Variants in SLC25A46 observed in about 807,000 individuals in gnomAD.
SLC25A46 encodes solute carrier family 25 member 46.
Under a neutral mutation model 44.6 loss-of-function variants are expected in SLC25A46, and 39 were observed. The observed-to-expected ratio is 0.87, with a 90% CI of 0.68 to 1.14. The LOEUF (loss-of-function observed/expected upper bound fraction) is 1.14. SLC25A46 is among the 50% of genes most tolerant of loss of function. The pLI is 0.00. For missense variants in SLC25A46, 547 were observed against 522.7 expected (o/e 1.05, Z -0.45); for synonymous variants, 202 against 185.8 (o/e 1.09, Z -0.71).
At position 110,748,373 on chromosome 5, in the gene SLC25A46, T is replaced by C. The variant is rs920454264; in HGVS notation, c.563+110T>C. ...ATGGGTATATTGTGTGATGCTAAAGTTTGGACTTCTAATGATCCTCTCATC... is the reference window on the plus strand; with the variant it reads ...ATGGGTATATTGTGTGATGCTAAAGCTTGGACTTCTAATGATCCTCTCATC... On this transcript the variant is annotated intron_variant, in intron 5 of 7. Transcript: ENST00000355943. The C allele has an allele frequency of 6.3e-6, 5 of 788,572 alleles. No individual in the cohort carries two copies. The African/African-American group carries it at 6.9e-5, about 11-fold the overall frequency. 48.8% of individuals were successfully genotyped at this position (788,572 alleles called of 1,614,324 possible).
rs1191516222 is a variant in SLC25A46, at chr5:110,761,896, T to A, written c.*114T>A. The A allele has an allele frequency of 2.3e-6, 2 of 888,600 alleles. No individual in the cohort carries two copies. The highest frequency in any genetic ancestry group is 3.4e-5 in the African/African-American group (2 of 58,850). The allele number at this position is 888,600 out of a possible 1,614,324, so 55.0% of individuals were successfully genotyped here. On this transcript the variant is annotated 3_prime_UTR_variant, in exon 8 of 8. Coordinates refer to ENST00000355943, the MANE Select transcript of SLC25A46 (RefSeq NM_138773.4). This position sits in a 1 kb window ranked among gnomAD's most constrained non-coding sequence, Gnocchi z 5.3. ...AAGAAAATGGATTGGAAAGTAAAAT[T>A]GGTACTAAAGCCCATACTGATTATC...
rs770980182 is a variant in SLC25A46, at chr5:110,742,030, A to T, written c.284-17A>T. ...TCAGTAATCTTATTTTTTTATTTCT[A>T]TTTTTTTTTACTTTAGAACAGCTGA... On this transcript the variant is annotated splice_polypyrimidine_tract_variant and intron_variant, in intron 1 of 7. Coordinates refer to ENST00000355943, the MANE Select transcript of SLC25A46 (RefSeq NM_138773.4). The T allele has an allele frequency of 1.3e-6, 2 of 1,486,568 alleles. No individual in the cohort carries two copies. Among genetic ancestry groups the T allele is most frequent in the South Asian group, 1.3e-5 (1 of 79,010 alleles). The allele number at this position is 1,486,568 out of a possible 1,614,324, so 92.1% of individuals were successfully genotyped here.
intron 1 of SLC25A46, chr5:110,741,720 T>C (rs1215556336): frequency 1.1e-5 from 2 of 184,128 alleles, no homozygotes; most frequent in Non-Finnish European, 1.1e-5. Flanking sequence ...AATTGGAAGC[T>C]TTTATATAAA....
At chr5:110,740,366 T>G (rs1316300111) in intron 1 of SLC25A46, among the ~76,000 whole-genome samples, 1 of 152,068 alleles carries the variant, frequency 6.6e-6, no homozygotes, top group Non-Finnish European at 1.5e-5. Flanking sequence ...GAATGTCTAG[T>G]GAGTAAATGA....
chr5:110,762,529 T>C lies in SLC25A46; in HGVS notation c.*747T>C, dbSNP rs1376847249. 3.3e-5 allele frequency: 5 copies of C among 151,768 alleles called. No homozygotes were observed. Among genetic ancestry groups the C allele is most frequent in the Admixed American group, 3.3e-4 (5 of 15,182 alleles). The allele number at this position is 151,768 out of a possible 1,614,324, so 9.4% of individuals were successfully genotyped here. A position where few individuals can be genotyped will look rare whatever the true frequency, so the allele number is the denominator to read the frequency against. ...CAAAAGATACAAGTCAGAGACAACA[T>C]CCTTGTCCATATCCAAACCCAGTGT... On this transcript the variant is annotated 3_prime_UTR_variant, in exon 8 of 8. Coordinates refer to ENST00000355943, the MANE Select transcript of SLC25A46 (RefSeq NM_138773.4).
At position 110,739,288 on chromosome 5, in the gene SLC25A46, TG is replaced by T; in HGVS notation, c.173del (p.Gly58AlafsTer40). The T allele has an allele frequency of 1.9e-6, 3 of 1,574,890 alleles. No individual in the cohort carries two copies. The highest frequency in any genetic ancestry group is 2.6e-6 in the Non-Finnish European group (3 of 1,160,436). On this transcript the variant is annotated frameshift_variant, in exon 1 of 8. Transcript: ENST00000355943. LOFTEE classifies it high-confidence loss of function. ...TATCCCCGGCAGCCGCAACCTGCACTGGGGCGAGAAGAGCCCGCCCTACGGC... is the reference window on the plus strand; with the variant it reads ...TATCCCCGGCAGCCGCAACCTGCACTGGGCGAGAAGAGCCCGCCCTACGGC... The part of the protein sequence containing the change: ...PDIPGSRNLH[W>X]GEKSPPYGVP...
intron 5 of SLC25A46, among the ~76,000 whole-genome samples, chr5:110,752,256 A>G (rs146808584): frequency 3.0e-4 from 45 of 152,290 alleles, no homozygotes; most frequent in Middle Eastern, 6.8e-3. Context: ...CAGTAGTATT[A>G]CTTTTTAACA....
intron 5 of SLC25A46, 190 bp from the exon 6 acceptor site, chr5:110,755,275 A>T (rs1177756459): frequency 2.4e-6 from 1 of 424,004 alleles, no homozygotes; most frequent in Non-Finnish European, 4.2e-6. Flanking sequence ...AACACCTTGT[A>T]TTTTTTTCTC....
At chr5:110,751,496 C>G (rs746401485) in intron 5 of SLC25A46, among the ~76,000 whole-genome samples, 49 of 152,020 alleles carry the variant, frequency 3.2e-4, no homozygotes, top group Non-Finnish European at 6.0e-4. Flanking sequence ...GAGCTCTGGC[C>G]AAGGGTAAGG....
intron 1 of SLC25A46, 124 bp from the exon 2 acceptor site, chr5:110,741,923 A>C: frequency 1.5e-6 from 1 of 653,758 alleles, no homozygotes; most frequent in South Asian, 2.0e-5. Context: ...TTTGACTTTG[A>C]GGTTTAAATG....
chr5:110,753,422 T>C (rs759795981), intron 5 of SLC25A46: 8 of 151,884 alleles, frequency 5.3e-5, no homozygotes, highest in Non-Finnish European at 1.0e-4. Flanking sequence ...TAGGAGTATG[T>C]GTTTTGATTT....
intron 4 of SLC25A46, 36 bp from the exon 5 acceptor site, chr5:110,748,127 T>G: frequency 7.1e-7 from 1 of 1,409,058 alleles, no homozygotes; most frequent in East Asian, 2.3e-5. Context: ...CAGATGTAGG[T>G]ATTAACAGAA....
intron 7 of SLC25A46, among the ~76,000 whole-genome samples, chr5:110,759,358 T>A (rs76153996): frequency 0.032 from 4,928 of 152,198 alleles, 263 homozygotes; most frequent in African/African-American, 0.11. Context: ...ATATTCTAAG[T>A]AGAGGGAAGG....
chr5:110,740,742 G>A lies in SLC25A46; in HGVS notation c.284-1305G>A, dbSNP rs568227177. 1.6e-4 allele frequency among the ~76,000 whole-genome samples: 25 copies of A among 152,202 alleles called. No homozygotes were observed. In the South Asian group the frequency reaches 5.0e-3, roughly 30 times the overall value. On this transcript the variant is annotated intron_variant, in intron 1 of 7. Coordinates refer to ENST00000355943, the MANE Select transcript of SLC25A46 (RefSeq NM_138773.4). Reference sequence around the variant, plus strand: ...CAAGGCGGGCGGATCACGAGGTCAGGAGATCGAGACCATCCTGGCTAACAC... The same window carrying A: ...CAAGGCGGGCGGATCACGAGGTCAGAAGATCGAGACCATCCTGGCTAACAC...
upstream of SLC25A46, chr5:110,738,864 C>T (rs537514575): frequency 1.3e-6 from 1 of 788,914 alleles, no homozygotes; most frequent in Non-Finnish European, 1.9e-6. Flanking sequence ...CATATTCCCA[C>T]CTATTCCCTA....
At position 110,765,140 on chromosome 5, in the gene SLC25A46, A is replaced by G. The variant is rs1237142322; in HGVS notation, c.*3358A>G. ...TAAATTGTGTAATATGAAAAGTTCA[A>G]TAAAATGTCGAAATAAAGCCACTGT... On this transcript the variant is annotated 3_prime_UTR_variant, in exon 8 of 8. Coordinates refer to ENST00000355943, the MANE Select transcript of SLC25A46 (RefSeq NM_138773.4). 2 of 151,814 alleles carry G rather than the reference A, an allele frequency of 1.3e-5. No individual in the cohort carries two copies. Among genetic ancestry groups the G allele is most frequent in the Non-Finnish European group, 2.9e-5 (2 of 67,892 alleles). The allele number at this position is 151,814 out of a possible 1,614,324, so 9.4% of individuals were successfully genotyped here.
chr5:110,758,748 C>T (rs543300320), intron 7 of SLC25A46, among the ~76,000 whole-genome samples: 203 of 152,064 alleles, frequency 1.3e-3, no homozygotes, highest in African/African-American at 4.7e-3. Context: ...CGCCACTGTA[C>T]TCCAGCCTCG....
At chr5:110,756,914 G>C in intron 7 of SLC25A46, 155 bp downstream of exon 7, 1 of 441,230 alleles carries the variant, frequency 2.3e-6, no homozygotes, top group Non-Finnish European at 3.9e-6. Context: ...CACGTTGCTT[G>C]TCTGTATATT....
chr5:110,742,173 A>AT (rs1398840115), intron 2 of SLC25A46, 84 bp downstream of exon 2: 43 of 959,766 alleles, frequency 4.5e-5, no homozygotes, highest in Non-Finnish European at 6.3e-5. Context: ...AATGATTATT[A>AT]TTGCTTCCTT....
Sources: gnomAD v4.1 joint callset for allele counts (sites outside exome capture counted in the v4.1 genomes callset) on GRCh38, gnomAD v4.1.1 for gene constraint, Gnocchi (gnomAD v3.1) non-coding constraint, MANE v1.5 for transcripts, NCBI Gene and HGNC (gene_info 2026-07-23, HGNC 2026-07-21) for gene names.